Variants in JAKMIP2 observed in about 807,000 individuals in gnomAD.
The protein encoded by JAKMIP2 is janus kinase and microtubule interacting protein 2.
In JAKMIP2, 25 loss-of-function variants were observed where a neutral mutation model predicts 115.0. The ratio of observed to expected loss-of-function variants is 0.22; its 90% CI spans 0.16 to 0.30. JAKMIP2 has a LOEUF of 0.30. Among genes scored for constraint, JAKMIP2 ranks in the 10% least tolerant of loss-of-function variants. JAKMIP2 has a pLI of 1.00. For synonymous variants in JAKMIP2, 334 were observed against 343.6 expected, an observed-to-expected ratio of 0.97 and a Z score of 0.31; for missense variants, 642 against 957.6, an observed-to-expected ratio of 0.67 and a Z score of 4.35.
intron 16 of JAKMIP2, among the ~76,000 whole-genome samples, chr5:147,624,104 AT>A (rs1756988691): frequency 6.6e-6 from 1 of 152,084 alleles, no homozygotes; most frequent in Non-Finnish European, 1.5e-5. Context: ...AAGTGCTGTG[AT>A]TATAGGTGCG....
At chr5:147,719,389 T>G (rs1176608430) in intron 1 of JAKMIP2, among the ~76,000 whole-genome samples, 1 of 133,266 alleles carries the variant, frequency 7.5e-6, no homozygotes, top group Non-Finnish European at 1.6e-5. Flanking sequence ...CTGAGTTCAA[T>G]TCCTGGGTAT....
At chr5:147,610,881 C>G (rs1312747553) in intron 20 of JAKMIP2, among the ~76,000 whole-genome samples, 1 of 152,224 alleles carries the variant, frequency 6.6e-6, no homozygotes, top group Non-Finnish European at 1.5e-5. Flanking sequence ...GATGCTCTGC[C>G]CAGAGAGGAG....
At chr5:147,643,154 C>A (rs527580217) in intron 7 of JAKMIP2, among the ~76,000 whole-genome samples, 1 of 152,120 alleles carries the variant, frequency 6.6e-6, no homozygotes, top group African/African-American at 2.4e-5. Context: ...TTACTTCTGT[C>A]CCTCTAGAGA....
At chr5:147,775,856 T>C (rs1242529960) in intron 1 of JAKMIP2, among the ~76,000 whole-genome samples, 4 of 152,202 alleles carry the variant, frequency 2.6e-5, no homozygotes, top group East Asian at 1.9e-4. Context: ...TTCGTTACAA[T>C]TGGTGAACAA....
chr5:147,593,627 A>G (rs913743656), intron 21 of JAKMIP2, among the ~76,000 whole-genome samples: 2 of 152,196 alleles, frequency 1.3e-5, no homozygotes, highest in Non-Finnish European at 2.9e-5. Context: ...GAACTTTTAA[A>G]CTGGCTTAAG....
intron 12 of JAKMIP2, among the ~76,000 whole-genome samples, chr5:147,635,806 C>A (rs988776659): frequency 6.6e-6 from 1 of 152,174 alleles, no homozygotes; most frequent in African/African-American, 2.4e-5. Flanking sequence ...GGTGATCCAC[C>A]CACCTCGGCC....
intron 1 of JAKMIP2, among the ~76,000 whole-genome samples, chr5:147,722,559 A>C (rs1753355666): frequency 6.6e-6 from 1 of 152,214 alleles, no homozygotes; most frequent in African/African-American, 2.4e-5. Flanking sequence ...CATTGAGTGA[A>C]GAGTATTTGA....
chr5:147,777,543 G>A (rs1755606427), intron 1 of JAKMIP2, among the ~76,000 whole-genome samples: 1 of 152,098 alleles, frequency 6.6e-6, no homozygotes, highest in African/African-American at 2.4e-5. Flanking sequence ...TTTCTTGATG[G>A]TAGGCTTATG....
intron 21 of JAKMIP2, among the ~76,000 whole-genome samples, chr5:147,598,819 C>G (rs530508774): frequency 3.9e-5 from 6 of 152,252 alleles, no homozygotes; most frequent in African/African-American, 1.4e-4. Context: ...GAACACAATA[C>G]AAATCATTAA....
In JAKMIP2 at chr5:147,589,424, G is replaced by T. The variant is rs1180129436; in HGVS notation, c.*2283C>A. On this transcript the variant is annotated 3_prime_UTR_variant, in exon 22 of 22. Transcript: ENST00000616793. ...ATTGTGCCAATGCACTCCAGCATGGGCAACAGAGCAAGACTCCATCTCAAA... is the reference window on the plus strand; with the variant it reads ...ATTGTGCCAATGCACTCCAGCATGGTCAACAGAGCAAGACTCCATCTCAAA... 2.1e-5 allele frequency: 3 copies of T among 144,958 alleles called. No individual in the cohort carries two copies. Among genetic ancestry groups the T allele is most frequent in the Non-Finnish European group, 3.0e-5 (2 of 66,476 alleles). The allele number at this position is 144,958 out of a possible 1,614,324, so 9.0% of individuals were successfully genotyped here. A position where few individuals can be genotyped will look rare whatever the true frequency, so the allele number is the denominator to read the frequency against.
intron 1 of JAKMIP2, among the ~76,000 whole-genome samples, chr5:147,781,509 C>T (rs545050905): frequency 1.1e-4 from 15 of 133,338 alleles, no homozygotes; most frequent in Non-Finnish European, 2.1e-4. Flanking sequence ...GCCTCCCATT[C>T]CCATCATTGT....
chr5:147,600,613 T>C (rs1020752627), intron 21 of JAKMIP2, among the ~76,000 whole-genome samples: 4 of 152,046 alleles, frequency 2.6e-5, no homozygotes, highest in Non-Finnish European at 5.9e-5. Context: ...TTTTGAACAG[T>C]GGTATTGAGA....
chr5:147,657,678 T>C (rs773604149), intron 3 of JAKMIP2, among the ~76,000 whole-genome samples: 1 of 152,142 alleles, frequency 6.6e-6, no homozygotes, highest in Non-Finnish European at 1.5e-5. Context: ...TAGTCCCATA[T>C]TTCTTGGAGG....
At chr5:147,625,830 A>C (rs569949317) in intron 16 of JAKMIP2, among the ~76,000 whole-genome samples, 1 of 152,210 alleles carries the variant, frequency 6.6e-6, no homozygotes, top group African/African-American at 2.4e-5. Flanking sequence ...CCATGTATCC[A>C]TGTAATAAAA....
At chr5:147,640,390 C>T (rs969754527) in intron 9 of JAKMIP2, among the ~76,000 whole-genome samples, 3 of 152,190 alleles carry the variant, frequency 2.0e-5, no homozygotes, top group African/African-American at 7.2e-5. Flanking sequence ...TGTCAGACCA[C>T]ATCCAAAAGC....
At chr5:147,722,426 T>C (rs1753350812) in intron 1 of JAKMIP2, among the ~76,000 whole-genome samples, 1 of 152,190 alleles carries the variant, frequency 6.6e-6, no homozygotes, top group Non-Finnish European at 1.5e-5. Context: ...TGAGGTACCT[T>C]GTGTAAGTAG....
chr5:147,720,011 G>A (rs1273141453), intron 1 of JAKMIP2, among the ~76,000 whole-genome samples: 1 of 151,836 alleles, frequency 6.6e-6, no homozygotes, highest in South Asian at 2.1e-4. Flanking sequence ...CATGTTTAGC[G>A]CTTCCTTCAG....
At chr5:147,720,378 G>A (rs1580831483) in intron 1 of JAKMIP2, among the ~76,000 whole-genome samples, 1 of 149,462 alleles carries the variant, frequency 6.7e-6, no homozygotes, top group East Asian at 2.0e-4. Flanking sequence ...TGTATTTCCT[G>A]AATCTGAACG....
In JAKMIP2 at chr5:147,590,865, A is replaced by G. The variant is rs921151777; in HGVS notation, c.*842T>C. On this transcript the variant is annotated 3_prime_UTR_variant, in exon 22 of 22. Coordinates refer to ENST00000616793, the MANE Select transcript of JAKMIP2 (RefSeq NM_001270941.2). ...AATGAGATCAGTCCATTGTTGATAGAGGAATGCAGATGTGAGAGTAGGACA... is the reference window on the plus strand; with the variant it reads ...AATGAGATCAGTCCATTGTTGATAGGGGAATGCAGATGTGAGAGTAGGACA... The G allele has an allele frequency of 9.9e-5, 15 of 152,174 alleles. No homozygotes were observed. The highest frequency in any genetic ancestry group is 3.6e-4 in the African/African-American group (15 of 41,418). 9.4% of individuals were successfully genotyped at this position (152,174 alleles called of 1,614,324 possible).
Sources: gnomAD v4.1 joint callset for allele counts (sites outside exome capture counted in the v4.1 genomes callset) on GRCh38, gnomAD v4.1.1 for gene constraint, MANE v1.5 for transcripts, NCBI Gene and HGNC (gene_info 2026-07-23, HGNC 2026-07-21) for gene names.